Variants in RLIG1 observed in about 807,000 individuals in gnomAD.
RLIG1 encodes RNA 5'-phosphate and 3'-OH ligase 1, also known as RNA ligase 1.
the RLIG1 span, chr12:88,045,864 C>T: frequency 1.9e-6 from 2 of 1,045,198 alleles, no homozygotes; most frequent in South Asian, 3.1e-5. Flanking sequence ...AACATACACA[C>T]ACTAAAGAAA....
the RLIG1 span, chr12:88,049,159 A>G: frequency 7.2e-7 from 1 of 1,395,804 alleles, no homozygotes; most frequent in Non-Finnish European, 9.9e-7. Flanking sequence ...AAATAGTTAA[A>G]TGAAACAAAG....
At chr12:88,041,393 A>G in the RLIG1 span, among the ~76,000 whole-genome samples, 1 of 152,226 alleles carries the variant, frequency 6.6e-6, no homozygotes, top group South Asian at 2.1e-4. Flanking sequence ...ATTGCGAATA[A>G]TGCCACTGTA....
At chr12:88,045,238 C>CA in the RLIG1 span, 5 of 196,560 alleles carry the variant, frequency 2.5e-5, no homozygotes, top group East Asian at 5.7e-4. Flanking sequence ...GTCCCTGAAG[C>CA]TTGAGAGAAG....
At chr12:88,037,227 AG>A in the RLIG1 span, among the ~76,000 whole-genome samples, 1 of 152,160 alleles carries the variant, frequency 6.6e-6, no homozygotes, top group Non-Finnish European at 1.5e-5. Context: ...TTTTCAAGTC[AG>A]TTCTTCTCCA....
chr12:88,049,672 G>A, the RLIG1 span: 1 of 284,600 alleles, frequency 3.5e-6, no homozygotes. Context: ...CTTATAATGG[G>A]ACTTAATCTT....
the RLIG1 span, chr12:88,035,782 C>T: frequency 6.4e-7 from 1 of 1,556,318 alleles, no homozygotes; most frequent in Non-Finnish European, 8.7e-7. Context: ...GCGTGGGCTC[C>T]TCCCCGCGGC....
At chr12:88,041,918 A>AT in the RLIG1 span, 1 of 152,226 alleles carries the variant, frequency 6.6e-6, no homozygotes, top group Admixed American at 6.5e-5. Context: ...CTGGGTTAGA[A>AT]TTTAACTGCT....
the RLIG1 span, among the ~76,000 whole-genome samples, chr12:88,036,438 C>A: frequency 2.0e-5 from 3 of 152,202 alleles, no homozygotes; most frequent in Non-Finnish European, 4.4e-5. Flanking sequence ...ACAAAACCAA[C>A]ATGTCCATTG....
At chr12:88,047,775 C>T in the RLIG1 span, among the ~76,000 whole-genome samples, 1 of 152,110 alleles carries the variant, frequency 6.6e-6, no homozygotes, top group Admixed American at 6.6e-5. Flanking sequence ...CTGCTCTCCA[C>T]CTCTGCCCCC....
the RLIG1 span, chr12:88,047,126 T>A: frequency 1.3e-6 from 1 of 766,964 alleles, no homozygotes; most frequent in Non-Finnish European, 2.1e-6. Flanking sequence ...CACCATTTTT[T>A]AAGAGGTAAA....
chr12:88,048,164 A>C, the RLIG1 span: 1 of 1,206,594 alleles, frequency 8.3e-7, no homozygotes, highest in African/African-American at 1.6e-5. Flanking sequence ...GACAGTGGGC[A>C]CTCAAATATT....
the RLIG1 span, among the ~76,000 whole-genome samples, chr12:88,041,176 CAT>C: frequency 6.6e-6 from 1 of 152,168 alleles, no homozygotes; most frequent in Non-Finnish European, 1.5e-5. Context: ...CTAGGTATTT[CAT>C]ATAAGTAGAA....
At chr12:88,038,393 A>G in the RLIG1 span, among the ~76,000 whole-genome samples, 2 of 152,212 alleles carry the variant, frequency 1.3e-5, no homozygotes, top group Admixed American at 6.5e-5. Flanking sequence ...TTAGATCAAC[A>G]TAGACTCCTA....
the RLIG1 span, chr12:88,046,755 T>C: frequency 2.7e-6 from 4 of 1,498,126 alleles, no homozygotes; most frequent in South Asian, 5.2e-5. Context: ...CGTTTTCTAG[T>C]TCTGAAAGTT....
At chr12:88,042,925 G>T in the RLIG1 span, 1 of 1,516,180 alleles carries the variant, frequency 6.6e-7, no homozygotes, top group Non-Finnish European at 8.9e-7. Flanking sequence ...CAAAAGGTTA[G>T]TTTTTTTTTA....
At chr12:88,043,026 T>G in the RLIG1 span, 1 of 510,302 alleles carries the variant, frequency 2.0e-6, no homozygotes, top group Non-Finnish European at 3.3e-6. Context: ...TTAAGCAATT[T>G]AGGAAAACTA....
At chr12:88,040,192 A>G in the RLIG1 span, 1 of 1,611,414 alleles carries the variant, frequency 6.2e-7, no homozygotes, top group Admixed American at 1.7e-5. Context: ...ACAAGGCATT[A>G]GATGCAGATA....
chr12:88,035,579 G>A, the RLIG1 span: 8 of 1,489,552 alleles, frequency 5.4e-6, no homozygotes, highest in South Asian at 6.0e-5. Flanking sequence ...CTGCTTCAGG[G>A]CTTCTCCGCG....
At chr12:88,048,554 C>A in the RLIG1 span, 1 of 613,456 alleles carries the variant, frequency 1.6e-6, no homozygotes, top group Non-Finnish European at 2.5e-6. Flanking sequence ...ATGAATTTTC[C>A]AGTTTCAAGT....
Sources: gnomAD v4.1 joint callset for allele counts (sites outside exome capture counted in the v4.1 genomes callset) on GRCh38, gnomAD v4.1.1 for gene constraint, MANE v1.5 for transcripts, NCBI Gene and HGNC (gene_info 2026-07-23, HGNC 2026-07-21) for gene names.